Variants in MIB1 observed in about 807,000 individuals in gnomAD.
MIB1 encodes E3 ubiquitin-protein ligase MIB1.
A neutral mutation model predicts 124.5 loss-of-function variants in MIB1; 278 were observed. That is an observed-to-expected ratio of 2.23 (90% CI 2.02 to 2.47). The LOEUF (loss-of-function observed/expected upper bound fraction) is 2.47. Ranked by LOEUF, MIB1 falls within the 30% of genes most tolerant of loss-of-function variation. MIB1 has a pLI of 0.00. For missense variants in MIB1, 957 were observed against 1,254.4 expected, an observed-to-expected ratio of 0.76 and a Z score of 3.58; for synonymous variants, 446 against 429.4, an observed-to-expected ratio of 1.04 and a Z score of -0.48.
rs767959946 is a variant in MIB1, at chr18:21,741,579, C to T, written c.-5C>T. 4.2e-5 allele frequency: 62 copies of T among 1,476,664 alleles called. No individual in the cohort carries two copies. In the African/African-American group the frequency reaches 8.4e-4, roughly 20 times the overall value. 91.5% of individuals were successfully genotyped at this position (1,476,664 alleles called of 1,614,324 possible). A position where few individuals can be genotyped will look rare whatever the true frequency, so the allele number is the denominator to read the frequency against. On this transcript the variant is annotated 5_prime_UTR_variant, in exon 1 of 21. Transcript: ENST00000261537. The surrounding 1 kb of genome is among the most constrained non-coding windows in gnomAD (Gnocchi z 5.4). Reference sequence around the variant, plus strand: ...GCAGCGGCGGAGCCCACCGCCCGGGCCCCGATGAGTAACTCCCGGAATAAC... The same window carrying T: ...GCAGCGGCGGAGCCCACCGCCCGGGTCCCGATGAGTAACTCCCGGAATAAC...
chr18:21,820,028 C>T (rs2041865093), intron 12 of MIB1, among the ~76,000 whole-genome samples: 1 of 152,128 alleles, frequency 6.6e-6, no homozygotes, highest in Admixed American at 6.6e-5. Flanking sequence ...TAAATAAATA[C>T]TAAGTTACCT....
Position 21,846,995 on chromosome 18 carries a change from A to G in MIB1, c.2263A>G (p.Ile755Val), listed in dbSNP as rs760539172. 3 of 1,614,146 alleles carry G rather than the reference A, an allele frequency of 1.9e-6. No homozygotes were observed. Among genetic ancestry groups the G allele is most frequent in the Admixed American group, 1.7e-5 (1 of 60,026 alleles). ...QGAEKKSAAS[I>V]ACFLAANGAD... ...GGCAGAGAAGAAGAGTGCAGCATCTATTGCCTGTTTCTTGGCAGCCAATGG... is the reference window on the plus strand; with the variant it reads ...GGCAGAGAAGAAGAGTGCAGCATCTGTTGCCTGTTTCTTGGCAGCCAATGG... Residue 755 changes from isoleucine to valine, a missense_variant, in exon 16 of 21, where the codon ATT becomes GTT. Transcript: ENST00000261537.
chr18:21,833,963 A>G (rs531814367), intron 12 of MIB1, among the ~76,000 whole-genome samples: 1 of 152,150 alleles, frequency 6.6e-6, no homozygotes, highest in Non-Finnish European at 1.5e-5. Context: ...CTCATATACT[A>G]TGCTCCACAG....
intron 6 of MIB1, among the ~76,000 whole-genome samples, chr18:21,789,312 G>T (rs926403205): frequency 6.6e-6 from 1 of 151,664 alleles, no homozygotes; most frequent in African/African-American, 2.4e-5. Flanking sequence ...GGTGGGTGTC[G>T]GTACATGACT....
intron 1 of MIB1, among the ~76,000 whole-genome samples, chr18:21,759,625 T>C (rs2041075941): frequency 6.6e-6 from 1 of 152,210 alleles, no homozygotes; most frequent in African/African-American, 2.4e-5. Context: ...CATTCATTTT[T>C]GGTATTCCAT....
Position 21,741,307 on chromosome 18 carries a change from G to A in MIB1, c.-277G>A. 6.1e-6 allele frequency: 1 copy of A among 165,202 alleles called. No homozygotes were observed. The highest frequency in any genetic ancestry group is 1.3e-5 in the Non-Finnish European group (1 of 77,080). 10.2% of individuals were successfully genotyped at this position (165,202 alleles called of 1,614,324 possible). ...GGAAGCGGGAGAGTCCCCGCCCACG[G>A]CCCCCTCCCCTCTGCCCGCTCTCCG... On this transcript the variant is annotated 5_prime_UTR_variant, in exon 1 of 21. Coordinates refer to ENST00000261537, the MANE Select transcript of MIB1 (RefSeq NM_020774.4). The surrounding 1 kb of genome is among the most constrained non-coding windows in gnomAD (Gnocchi z 5.4).
rs74608632 is a variant in MIB1, at chr18:21,854,728, G to A, written c.2665+1510G>A. The A allele has an allele frequency of 5.9e-3, 1,015 of 173,332 alleles. 11 individuals are homozygous for A. Among genetic ancestry groups the A allele is most frequent in the African/African-American group, 0.023 (969 of 41,594 alleles). The allele number at this position is 173,332 out of a possible 1,614,324, so 10.7% of individuals were successfully genotyped here. On this transcript the variant is annotated intron_variant, in intron 18 of 20. Transcript: ENST00000261537. ...TTGAAAGGAAAGCATGCTTGGTCCT[G>A]TCGTGGATACATTTAGCAGTCATGG...
intron 19 of MIB1, among the ~76,000 whole-genome samples, chr18:21,857,979 G>C (rs1385799679): frequency 6.6e-6 from 1 of 152,174 alleles, no homozygotes; most frequent in Non-Finnish European, 1.5e-5. Flanking sequence ...CAAGAATCTA[G>C]AGAATAGGAA....
chr18:21,764,221 G>A (rs1296926944), intron 1 of MIB1, among the ~76,000 whole-genome samples: 6 of 152,048 alleles, frequency 3.9e-5, no homozygotes. Context: ...TCTTTCAGGT[G>A]TTCGTTCCCT....
chr18:21,745,852 A>G (rs1049422857), intron 1 of MIB1, among the ~76,000 whole-genome samples: 1 of 152,104 alleles, frequency 6.6e-6, no homozygotes. Flanking sequence ...AATTACAGGC[A>G]TGCACCACCA....
intron 13 of MIB1, among the ~76,000 whole-genome samples, chr18:21,842,683 G>A (rs1373720957): frequency 6.6e-6 from 1 of 152,174 alleles, no homozygotes; most frequent in Non-Finnish European, 1.5e-5. Context: ...ACAGAGTGAG[G>A]AAGAGCTCAA....
intron 1 of MIB1, among the ~76,000 whole-genome samples, chr18:21,748,741 T>TC (rs1174695487): frequency 6.7e-6 from 1 of 148,306 alleles, no homozygotes; most frequent in East Asian, 2.0e-4. Context: ...TTTTTTTTTT[T>TC]TTTTTTTTTT....
rs1482633380 is a variant in MIB1, at chr18:21,849,254, G to T, written c.2452G>T (p.Glu818Ter). Residue 818 changes from glutamate to a stop codon, truncating the protein, a stop_gained, in exon 17 of 21, where the codon GAG (glutamate) becomes TAG (stop). Transcript: ENST00000261537. LOFTEE classifies it high-confidence loss of function. ...MISNDSETLE[E>*]CMVCSDMKRD... is the part of the protein sequence containing the mutation. ...TAGTAATGATTCTGAAACCTTAGAA[G>T]AGTGTATGGTGTGCTCAGATATGAA... The T allele has an allele frequency of 6.2e-7, 1 of 1,609,908 alleles. No individual in the cohort carries two copies. The highest frequency in any genetic ancestry group is 8.5e-7 in the Non-Finnish European group (1 of 1,177,960).
intron 6 of MIB1, 36 bp downstream of exon 6, chr18:21,779,721 TA>T (rs1212891819): frequency 6.6e-7 from 1 of 1,507,674 alleles, no homozygotes; most frequent in Non-Finnish European, 9.2e-7. Context: ...CAATGACAAA[TA>T]AAACTAATAT....
At chr18:21,856,982 A>C (rs1161625563) in intron 18 of MIB1, 148 bp from the exon 19 acceptor site, 6 of 609,092 alleles carry the variant, frequency 9.9e-6, no homozygotes, top group African/African-American at 9.2e-5. Flanking sequence ...TAGGTTGATA[A>C]CATTTTAAGG....
chr18:21,813,009 C>T (rs1020780830), intron 10 of MIB1, among the ~76,000 whole-genome samples: 16 of 152,058 alleles, frequency 1.1e-4, no homozygotes, highest in Admixed American at 4.6e-4. Context: ...TTCTAGTGTG[C>T]GTGTGTATTT....
upstream of MIB1, among the ~76,000 whole-genome samples, chr18:21,740,594 C>T (rs2040833630): frequency 6.6e-6 from 1 of 152,242 alleles, no homozygotes; most frequent in African/African-American, 2.4e-5. Flanking sequence ...CTCCAGCAGC[C>T]CGGGTAGCTT....
At chr18:21,828,219 A>G (rs1284513281) in intron 12 of MIB1, 2 of 151,952 alleles carry the variant, frequency 1.3e-5, no homozygotes, top group African/African-American at 4.8e-5. Context: ...CTTTGGAGAA[A>G]GCAAATTCGA....
chr18:21,773,279 A>G (rs978462415), intron 3 of MIB1, among the ~76,000 whole-genome samples: 5 of 152,178 alleles, frequency 3.3e-5, no homozygotes, highest in African/African-American at 9.6e-5. Flanking sequence ...CCAAAAACCA[A>G]AAAACAAAAA....
Sources: allele counts gnomAD v4.1 joint callset (sites outside exome capture counted in the v4.1 genomes callset), GRCh38; gene constraint gnomAD v4.1.1; non-coding constraint Gnocchi (gnomAD v3.1); transcripts MANE v1.5; gene names NCBI Gene and HGNC (gene_info 2026-07-23, HGNC 2026-07-21).